Variants in PCDH9 observed in about 807,000 individuals in gnomAD.
The protein encoded by PCDH9 is protocadherin-9.
PCDH9 carries 24 observed loss-of-function variants against 70.6 expected under a neutral mutation model. The observed-to-expected ratio is 0.34, with a 90% confidence interval of 0.25 to 0.48. PCDH9 has a LOEUF of 0.48. PCDH9 is among the 20% of genes least tolerant of loss of function. The probability of loss-of-function intolerance (pLI) is 0.99; values close to 1 mark genes in which losing one functional copy is unlikely to be tolerated. For synonymous variants in PCDH9, 562 were observed against 558.5 expected, an observed-to-expected ratio of 1.01 and a Z score of -0.09; for missense variants, 1,281 against 1,503.6, an observed-to-expected ratio of 0.85 and a Z score of 2.45.
At chr13:66,328,913 T>A (rs1955893489) in intron 4 of PCDH9, among the ~76,000 whole-genome samples, 1 of 152,234 alleles carries the variant, frequency 6.6e-6, no homozygotes, top group South Asian at 2.1e-4. Flanking sequence ...TCTTAAGCCT[T>A]CTTTTTGTCT....
At chr13:66,830,211 T>C (rs1205134208) in intron 3 of PCDH9, among the ~76,000 whole-genome samples, 1 of 152,138 alleles carries the variant, frequency 6.6e-6, no homozygotes, top group Admixed American at 6.5e-5. Flanking sequence ...TTCTCTTCAA[T>C]ATAATGTGAA....
intron 4 of PCDH9, among the ~76,000 whole-genome samples, chr13:66,317,171 CTCTT>C (rs910199686): frequency 5.3e-5 from 8 of 152,104 alleles, no homozygotes; most frequent in African/African-American, 1.9e-4. Flanking sequence ...GAAACAACAT[CTCTT>C]TCTATGGCCT....
At chr13:66,882,804 A>C (rs1436853583) in intron 3 of PCDH9, among the ~76,000 whole-genome samples, 2 of 152,176 alleles carry the variant, frequency 1.3e-5, no homozygotes, top group Admixed American at 1.3e-4. Flanking sequence ...AAATCTCATG[A>C]AACAAAACTG....
intron 3 of PCDH9, among the ~76,000 whole-genome samples, chr13:66,830,925 T>C (rs955079339): frequency 6.6e-6 from 1 of 152,192 alleles, no homozygotes; most frequent in African/African-American, 2.4e-5. Context: ...ACAAGTTTTG[T>C]CCCTGGGGCA....
chr13:66,392,114 T>G (rs1233296497), intron 4 of PCDH9, among the ~76,000 whole-genome samples: 4 of 151,796 alleles, frequency 2.6e-5, no homozygotes, highest in Non-Finnish European at 5.9e-5. Flanking sequence ...TTTTGGATAC[T>G]GAAATAAGCT....
chr13:66,653,089 G>A (rs2077875821), intron 3 of PCDH9, among the ~76,000 whole-genome samples: 1 of 152,124 alleles, frequency 6.6e-6, no homozygotes, highest in African/African-American at 2.4e-5. Flanking sequence ...TATGGGCAAA[G>A]ATTTCTTAAT....
At chr13:66,949,425 T>G (rs968580769) in intron 2 of PCDH9, among the ~76,000 whole-genome samples, 3 of 152,080 alleles carry the variant, frequency 2.0e-5, no homozygotes, top group African/African-American at 7.2e-5. Flanking sequence ...TAAGACAGGA[T>G]TCAAACCTTC....
chr13:66,633,873 C>A (rs1019295002), intron 3 of PCDH9, among the ~76,000 whole-genome samples: 1 of 152,102 alleles, frequency 6.6e-6, no homozygotes, highest in Non-Finnish European at 1.5e-5. Context: ...TAAATATGCA[C>A]GACTAGTTAT....
intron 4 of PCDH9, among the ~76,000 whole-genome samples, chr13:66,475,234 T>C (rs533141975): frequency 6.6e-6 from 1 of 152,170 alleles, no homozygotes; most frequent in East Asian, 1.9e-4. Context: ...TCTGCCAGTT[T>C]TGCTAAAAGA....
At chr13:66,535,152 C>A (rs1207292068) in intron 4 of PCDH9, among the ~76,000 whole-genome samples, 1 of 151,764 alleles carries the variant, frequency 6.6e-6, no homozygotes, top group Non-Finnish European at 1.5e-5. Context: ...AATAAAGTAA[C>A]AACAATTTTT....
chr13:67,005,953 G>A (rs1298922057), intron 2 of PCDH9, among the ~76,000 whole-genome samples: 1 of 152,146 alleles, frequency 6.6e-6, no homozygotes, highest in Non-Finnish European at 1.5e-5. Flanking sequence ...TAGGCCAGGC[G>A]CGGCGGCTCA....
At chr13:67,132,324 A>G (rs1179504797) in intron 2 of PCDH9, among the ~76,000 whole-genome samples, 2 of 152,114 alleles carry the variant, frequency 1.3e-5, no homozygotes, top group Non-Finnish European at 2.9e-5. Context: ...CACCAGAAAT[A>G]TACTCATCAT....
intron 4 of PCDH9, among the ~76,000 whole-genome samples, chr13:66,402,764 T>A (rs768759861): frequency 1.3e-5 from 2 of 152,120 alleles, no homozygotes; most frequent in Non-Finnish European, 2.9e-5. Context: ...AAAAATAAAC[T>A]TCACGTAATG....
intron 4 of PCDH9, among the ~76,000 whole-genome samples, chr13:66,504,658 T>G (rs2138568849): frequency 6.6e-6 from 1 of 152,338 alleles, no homozygotes; most frequent in East Asian, 1.9e-4. Flanking sequence ...TGCTTATCCT[T>G]GTATCTGCAG....
chr13:66,805,451 T>A (rs2080394846), intron 3 of PCDH9, among the ~76,000 whole-genome samples: 1 of 152,104 alleles, frequency 6.6e-6, no homozygotes, highest in East Asian at 1.9e-4. Context: ...AAAACTAAAA[T>A]AGGTAAAAAT....
At chr13:67,001,701 C>G (rs1022157688) in intron 2 of PCDH9, 5 of 152,170 alleles carry the variant, frequency 3.3e-5, no homozygotes, top group Non-Finnish European at 7.3e-5. Flanking sequence ...GCAGAGTCCC[C>G]CAAGGTAACA....
chr13:66,407,267 T>C (rs1255422412), intron 4 of PCDH9, among the ~76,000 whole-genome samples: 2 of 152,094 alleles, frequency 1.3e-5, no homozygotes, highest in African/African-American at 4.8e-5. Flanking sequence ...GAGAAGAAAA[T>C]GTTCCAGGAA....
rs924660764 is a variant in PCDH9, at chr13:66,927,364, G to A, written c.3037-23759C>T. Among the ~76,000 whole-genome samples, 5 of 151,906 alleles carry A rather than the reference G, an allele frequency of 3.3e-5. No homozygotes were observed. The East Asian group carries it at 5.8e-4, about 18-fold the overall frequency. The stretch of plus-strand genomic sequence containing the variant: ...TAAAATGATGACACATAGAGGGAAC[G>A]ACACACACTGGGGCCTCTTCGAGGG... On this transcript the variant is annotated intron_variant, in intron 2 of 4. Coordinates refer to ENST00000377865, the MANE Select transcript of PCDH9 (RefSeq NM_203487.3).
At chr13:66,756,260 T>C (rs972344475) in intron 3 of PCDH9, among the ~76,000 whole-genome samples, 5 of 152,122 alleles carry the variant, frequency 3.3e-5, no homozygotes, top group African/African-American at 1.2e-4. Context: ...TTAAAGAAAT[T>C]CCAGCATATC....
Sources: gnomAD v4.1 joint callset for allele counts (sites outside exome capture counted in the v4.1 genomes callset) on GRCh38, gnomAD v4.1.1 for gene constraint, MANE v1.5 for transcripts, NCBI Gene and HGNC (gene_info 2026-07-23, HGNC 2026-07-21) for gene names.